Variants in IGF2BP3 observed in about 807,000 individuals in gnomAD.
IGF2BP3 encodes the protein insulin like growth factor 2 mRNA binding protein 3, also known as insulin-like growth factor 2 mRNA-binding protein 3.
A neutral mutation model predicts 73.8 loss-of-function variants in IGF2BP3; 9 were observed. The ratio of observed to expected loss-of-function variants is 0.12; its 90% CI spans 0.07 to 0.21. IGF2BP3 has a LOEUF of 0.21. Ranked by LOEUF, IGF2BP3 falls within the 10% of genes least tolerant of loss-of-function variation. IGF2BP3 has a pLI of 1.00. For missense variants in IGF2BP3, 542 were observed against 714.0 expected (o/e 0.76, Z 2.75); for synonymous variants, 258 against 256.7 (o/e 1.01, Z -0.05).
At chr7:23,422,630 C>T (rs548258311) in intron 2 of IGF2BP3, among the ~76,000 whole-genome samples, 2 of 152,282 alleles carry the variant, frequency 1.3e-5, no homozygotes, top group Admixed American at 6.5e-5. Flanking sequence ...AAGGATCCCA[C>T]GGATTTTCTA....
At chr7:23,449,888 C>T (rs1438263983) in intron 2 of IGF2BP3, among the ~76,000 whole-genome samples, 4 of 152,128 alleles carry the variant, frequency 2.6e-5, no homozygotes. Flanking sequence ...TCAAACCACA[C>T]ATTAGAGCAG....
At chr7:23,399,867 A>G (rs1276581943) in intron 3 of IGF2BP3, among the ~76,000 whole-genome samples, 4 of 152,304 alleles carry the variant, frequency 2.6e-5, no homozygotes, top group Middle Eastern at 3.4e-3. Flanking sequence ...GAAAACTCCC[A>G]AAGTAGAGAG....
At chr7:23,410,897 C>G (rs982267518) in intron 3 of IGF2BP3, among the ~76,000 whole-genome samples, 4 of 152,208 alleles carry the variant, frequency 2.6e-5, no homozygotes, top group Non-Finnish European at 5.9e-5. Flanking sequence ...CAAGCTACTT[C>G]ACCTCTCTGT....
chr7:23,359,736 AAT>A (rs1319857309), intron 5 of IGF2BP3, among the ~76,000 whole-genome samples: 1 of 152,084 alleles, frequency 6.6e-6, no homozygotes, highest in Non-Finnish European at 1.5e-5. Context: ...CCTCAAAATA[AAT>A]AAAAATTAAA....
intron 3 of IGF2BP3, among the ~76,000 whole-genome samples, chr7:23,402,894 A>AAAG (rs749148586): frequency 6.6e-6 from 1 of 152,230 alleles, no homozygotes; most frequent in Non-Finnish European, 1.5e-5. Flanking sequence ...TTCACCCCTT[A>AAAG]AGGAAGTGGT....
chr7:23,362,056 C>T (rs937918305), intron 3 of IGF2BP3, among the ~76,000 whole-genome samples: 1 of 152,184 alleles, frequency 6.6e-6, no homozygotes, highest in African/African-American at 2.4e-5. Context: ...CTCATACATA[C>T]ACAAACACAT....
chr7:23,323,254 G>C (rs1412110603), intron 10 of IGF2BP3, among the ~76,000 whole-genome samples: 1 of 150,660 alleles, frequency 6.6e-6, no homozygotes, highest in Non-Finnish European at 1.5e-5. Context: ...AACAAAAAAA[G>C]GCAGGGGTTG....
intron 3 of IGF2BP3, among the ~76,000 whole-genome samples, chr7:23,409,536 G>A (rs376374470): frequency 3.9e-5 from 6 of 152,094 alleles, no homozygotes; most frequent in African/African-American, 1.2e-4. Flanking sequence ...TAGTAGCAAA[G>A]GGACAGACAC....
chr7:23,415,588 C>T lies in IGF2BP3; in HGVS notation c.285+3188G>A, dbSNP rs184766524. On this transcript the variant is annotated intron_variant, in intron 3 of 14. Transcript: ENST00000258729. Reference sequence around the variant, plus strand: ...TGTCTGTCAGCCGGCGTCACTGAATCAGCAGTTGGTTACAGCCTCTAGCTC... The same window carrying T: ...TGTCTGTCAGCCGGCGTCACTGAATTAGCAGTTGGTTACAGCCTCTAGCTC... 6.9e-3 allele frequency: 1,847 copies of T among 267,044 alleles called. 22 individuals carry two copies. The highest frequency in any genetic ancestry group is 0.024 in the South Asian group (745 of 30,640). The allele number at this position is 267,044 out of a possible 1,614,324, so 16.5% of individuals were successfully genotyped here.
intron 3 of IGF2BP3, among the ~76,000 whole-genome samples, chr7:23,383,712 A>T (rs1454001073): frequency 2.0e-5 from 3 of 152,230 alleles, no homozygotes; most frequent in African/African-American, 7.2e-5. Flanking sequence ...CTATAGCCAA[A>T]AAGTGGAAAC....
At chr7:23,332,865 T>TA (rs1485681190) in intron 10 of IGF2BP3, among the ~76,000 whole-genome samples, 22 of 152,212 alleles carry the variant, frequency 1.4e-4, no homozygotes, top group South Asian at 4.1e-4. Context: ...TTGACCATTT[T>TA]AAAAAAAATT....
chr7:23,332,123 A>G (rs368490702), intron 10 of IGF2BP3, among the ~76,000 whole-genome samples: 3 of 152,306 alleles, frequency 2.0e-5, no homozygotes, highest in Non-Finnish European at 1.5e-5. Context: ...AGTGGGAATT[A>G]CAATTCAAGA....
chr7:23,328,175 T>C (rs1453481728), intron 10 of IGF2BP3, among the ~76,000 whole-genome samples: 1 of 152,188 alleles, frequency 6.6e-6, no homozygotes, highest in African/African-American at 2.4e-5. Flanking sequence ...TACTATCATC[T>C]TAAATCTTTA....
chr7:23,354,377 A>G (rs1251067380), intron 5 of IGF2BP3, among the ~76,000 whole-genome samples: 2 of 152,258 alleles, frequency 1.3e-5, no homozygotes, highest in African/African-American at 4.8e-5. Flanking sequence ...GAAGGCATCA[A>G]TTACATCTAG....
chr7:23,410,469 T>C (rs1165095599), intron 3 of IGF2BP3, among the ~76,000 whole-genome samples: 2 of 152,094 alleles, frequency 1.3e-5, no homozygotes, highest in Non-Finnish European at 2.9e-5. Flanking sequence ...GGGGTAAACA[T>C]GGAGGGAGCA....
chr7:23,425,666 C>A (rs770546486), intron 2 of IGF2BP3, among the ~76,000 whole-genome samples: 8 of 152,168 alleles, frequency 5.3e-5, no homozygotes, highest in African/African-American at 1.9e-4. Flanking sequence ...TATAAGACAT[C>A]TATGAACCCA....
intron 3 of IGF2BP3, among the ~76,000 whole-genome samples, chr7:23,386,488 A>G (rs1293708149): frequency 1.3e-5 from 2 of 152,246 alleles, no homozygotes; most frequent in Non-Finnish European, 2.9e-5. Context: ...GGGACACAGG[A>G]GCCCCCAACA....
chr7:23,387,925 A>G (rs544040417), intron 3 of IGF2BP3, among the ~76,000 whole-genome samples: 1 of 152,222 alleles, frequency 6.6e-6, no homozygotes, highest in East Asian at 1.9e-4. Flanking sequence ...CTACTATGGA[A>G]AAGTTTAGAA....
Position 23,470,060 on chromosome 7 carries a change from G to C in IGF2BP3, c.51C>G (p.Asp17Glu), listed in dbSNP as rs1180958605. 2 of 1,610,890 alleles carry C rather than the reference G, an allele frequency of 1.2e-6. No individual in the cohort carries two copies. The highest frequency in any genetic ancestry group is 1.7e-6 in the Non-Finnish European group (2 of 1,179,314). Residue 17 changes from aspartate (D) to glutamate (E), a missense_variant, in exon 1 of 15, where the codon GAC becomes GAG. By Grantham distance (45) the Asp-to-Glu change is conservative. Around this residue, in one of 2 missense-constraint regions of IGF2BP3, gnomAD observed 239 missense variants for 241.9 expected, o/e 0.99. Coordinates refer to ENST00000258729, the MANE Select transcript of IGF2BP3 (RefSeq NM_006547.3). ...GNLSENAAPS[D>E]LESIFKDAKI... is the part of the protein sequence containing the mutation. ...TGGCGTCCTTGAAGATACTTTCTAG[G>C]TCCGAGGGGGCGGCGTTCTCGCTGA...
Sources: allele counts gnomAD v4.1 joint callset (sites outside exome capture counted in the v4.1 genomes callset), GRCh38; gene constraint gnomAD v4.1.1; regional missense constraint gnomAD v4.1.1; transcripts MANE v1.5; gene names NCBI Gene and HGNC (gene_info 2026-07-23, HGNC 2026-07-21).